The following MAP3K7 variants were observed in gnomAD, a reference collection of about 807,000 sequenced individuals.
The protein encoded by MAP3K7 is TGF-beta activated kinase 1.
A neutral mutation model predicts 84.8 loss-of-function variants in MAP3K7; 21 were observed. The ratio of observed to expected loss-of-function variants is 0.25; its 90% CI spans 0.18 to 0.36. MAP3K7 has a LOEUF of 0.36. MAP3K7 is among the 10% of genes least tolerant of loss of function. MAP3K7 has a pLI of 1.00. For missense variants in MAP3K7, 503 were observed against 747.7 expected, an observed-to-expected ratio of 0.67 and a Z score of 3.82; for synonymous variants, 241 against 247.7, an observed-to-expected ratio of 0.97 and a Z score of 0.25.
At chr6:90,586,639 C>T (rs1045803265) in intron 1 of MAP3K7, 125 bp downstream of exon 1, 1 of 1,327,610 alleles carries the variant, frequency 7.5e-7, no homozygotes. Context: ...GTGGGGTCTC[C>T]CGGGTGGACC....
chr6:90,582,084 ATTG>A (rs1777290480), intron 1 of MAP3K7, among the ~76,000 whole-genome samples: 1 of 152,220 alleles, frequency 6.6e-6, no homozygotes, highest in African/African-American at 2.4e-5. Flanking sequence ...AAAAGCAACC[ATTG>A]TAAATAGTGT....
chr6:90,553,287 A>C lies in MAP3K7; in HGVS notation c.736+171T>G, dbSNP rs535907198. Among the ~76,000 whole-genome samples, 148 of 152,094 alleles carry C rather than the reference A, an allele frequency of 9.7e-4. 1 individual carries two copies. The highest frequency in any genetic ancestry group is 3.4e-3 in the Middle Eastern group (1 of 294). On this transcript the variant is annotated intron_variant, in intron 7 of 16. Transcript: ENST00000369329. ...ACTACTCTCAATCCTGCTCTGCTGG[A>C]CTCTGGGGCAGGGACAGGGCAGAGT...
chr6:90,522,901 G>A (rs1775197776), intron 14 of MAP3K7, among the ~76,000 whole-genome samples: 1 of 151,870 alleles, frequency 6.6e-6, no homozygotes, highest in Non-Finnish European at 1.5e-5. Context: ...TTTTCCAAGG[G>A]CTAAGAGATC....
At chr6:90,558,680 G>A (rs925360645) in intron 5 of MAP3K7, among the ~76,000 whole-genome samples, 1 of 152,188 alleles carries the variant, frequency 6.6e-6, no homozygotes, top group Admixed American at 6.5e-5. Flanking sequence ...TTCATGGGGT[G>A]TAGTTGGATG....
At chr6:90,551,894 C>T (rs1776189959) in intron 8 of MAP3K7, 155 bp downstream of exon 8, 1 of 750,992 alleles carries the variant, frequency 1.3e-6, no homozygotes, top group Non-Finnish European at 2.0e-6. Context: ...AATGTTTCCT[C>T]TTCTGACTAT....
intron 16 of MAP3K7, among the ~76,000 whole-genome samples, chr6:90,518,020 C>T (rs1348907573): frequency 6.6e-6 from 1 of 151,666 alleles, no homozygotes; most frequent in Non-Finnish European, 1.5e-5. Context: ...GTTTCTATAA[C>T]TCCTCAGAAA....
chr6:90,539,284 C>G (rs937932262), intron 12 of MAP3K7, among the ~76,000 whole-genome samples: 1 of 151,866 alleles, frequency 6.6e-6, no homozygotes, highest in Non-Finnish European at 1.5e-5. Flanking sequence ...AAAAAGTGAT[C>G]TTGGTAGACT....
At position 90,531,732 on chromosome 6, in the gene MAP3K7, C is replaced by G. The variant is rs112202930; in HGVS notation, c.1356+4605G>C. ...CTTTGGGAGGCTGAGGCGGGCAGATCGCTTGAGGCCAGAAGTTCGAGACCA... is the reference window on the plus strand; with the variant it reads ...CTTTGGGAGGCTGAGGCGGGCAGATGGCTTGAGGCCAGAAGTTCGAGACCA... On this transcript the variant is annotated intron_variant, in intron 13 of 16. Coordinates refer to ENST00000369329, the MANE Select transcript of MAP3K7 (RefSeq NM_145331.3). Among the ~76,000 whole-genome samples the G allele has an allele frequency of 2.0e-5, 3 of 151,972 alleles. 1 individual carries two copies. The highest frequency in any genetic ancestry group is 4.4e-5 in the Non-Finnish European group (3 of 67,986).
In MAP3K7 at chr6:90,540,085, T is replaced by C. The variant is rs921391068; in HGVS notation, c.1292-3684A>G. Among the ~76,000 whole-genome samples the C allele has an allele frequency of 3.1e-4, 47 of 151,822 alleles. 1 individual carries two copies. The highest frequency in any genetic ancestry group is 4.4e-5 in the Non-Finnish European group (3 of 67,840). ...AGAATGATATAACAAACAATAAATA[T>C]CAATTAAGTTCAGGTTCTTCAGGAA... On this transcript the variant is annotated intron_variant, in intron 12 of 16. Coordinates refer to ENST00000369329, the MANE Select transcript of MAP3K7 (RefSeq NM_145331.3).
intron 13 of MAP3K7, among the ~76,000 whole-genome samples, chr6:90,527,657 A>AT (rs1775364992): frequency 6.6e-6 from 1 of 152,144 alleles, no homozygotes; most frequent in African/African-American, 2.4e-5. Flanking sequence ...TGGTGGGGAA[A>AT]TGACAGGGAA....
At chr6:90,570,414 G>A (rs1776862534) in intron 2 of MAP3K7, among the ~76,000 whole-genome samples, 1 of 152,106 alleles carries the variant, frequency 6.6e-6, no homozygotes. Context: ...ATAGGGCAGG[G>A]GACAGTGTAA....
At chr6:90,547,740 C>T (rs1776049314) in intron 10 of MAP3K7, among the ~76,000 whole-genome samples, 3 of 152,246 alleles carry the variant, frequency 2.0e-5, no homozygotes, top group Middle Eastern at 6.8e-3. Context: ...AGAACAACTC[C>T]TCTAACTGGG....
intron 3 of MAP3K7, 106 bp from the exon 4 acceptor site, chr6:90,561,773 T>G: frequency 3.6e-6 from 3 of 828,374 alleles, no homozygotes. Flanking sequence ...ATATTAAAAA[T>G]CATTCTTTTG....
At chr6:90,560,020 T>G in intron 5 of MAP3K7, 56 bp downstream of exon 5, 9 of 1,602,448 alleles carry the variant, frequency 5.6e-6, no homozygotes, top group Non-Finnish European at 7.7e-6. Flanking sequence ...TTCGGGGTGG[T>G]GAGAGTGAGA....
intron 8 of MAP3K7, 107 bp from the exon 9 acceptor site, chr6:90,550,656 A>C: frequency 1.6e-6 from 1 of 634,444 alleles, no homozygotes; most frequent in South Asian, 2.2e-5. Flanking sequence ...TAGGTGCCTA[A>C]GTTTTTTATT....
Position 90,537,823 on chromosome 6 carries a change from A to G in MAP3K7, c.1292-1422T>C, listed in dbSNP as rs1233885626. 2.0e-5 allele frequency among the ~76,000 whole-genome samples: 3 copies of G among 152,006 alleles called. No individual in the cohort carries two copies. In the East Asian group the frequency reaches 5.8e-4, roughly 29 times the overall value. On this transcript the variant is annotated intron_variant, in intron 12 of 16. Transcript: ENST00000369329. Reference sequence around the variant, plus strand: ...GTGACTAATAAGCAATTTTAGGCACATTTCATTCAACACATTCATTCTAAA... The same window carrying G: ...GTGACTAATAAGCAATTTTAGGCACGTTTCATTCAACACATTCATTCTAAA...
chr6:90,569,637 C>A (rs879618200), intron 2 of MAP3K7, among the ~76,000 whole-genome samples: 7 of 152,058 alleles, frequency 4.6e-5, no homozygotes, highest in South Asian at 2.1e-4. Flanking sequence ...AGCCACCATG[C>A]CTGGTTAATT....
chr6:90,543,221 A>T (rs1775907268), intron 12 of MAP3K7, among the ~76,000 whole-genome samples: 1 of 152,094 alleles, frequency 6.6e-6, no homozygotes, highest in Admixed American at 6.6e-5. Flanking sequence ...CAGATTCAAT[A>T]AATAAAAATT....
chr6:90,545,341 G>A (rs1467570889), intron 11 of MAP3K7, among the ~76,000 whole-genome samples: 3 of 152,086 alleles, frequency 2.0e-5, no homozygotes, highest in South Asian at 4.2e-4. Context: ...CTACACTTAG[G>A]CAAAATTTTA....
Sources: gnomAD v4.1 joint callset for allele counts (sites outside exome capture counted in the v4.1 genomes callset) on GRCh38, gnomAD v4.1.1 for gene constraint, MANE v1.5 for transcripts, NCBI Gene and HGNC (gene_info 2026-07-23, HGNC 2026-07-21) for gene names.